The following CCDC40 variants were observed in gnomAD, a reference collection of about 807,000 sequenced individuals.
CCDC40 encodes the protein coiled-coil domain 40 molecular ruler complex subunit.
A neutral mutation model predicts 124.5 loss-of-function variants in CCDC40; 104 were observed. That is an observed-to-expected ratio of 0.84 (90% CI 0.71 to 0.98). The LOEUF (loss-of-function observed/expected upper bound fraction) is 0.98, where lower values mean the gene tolerates loss of function less well. CCDC40 is among the 50% of genes least tolerant of loss of function. CCDC40 has a pLI of 0.00. For synonymous variants in CCDC40, 580 were observed against 602.9 expected (o/e 0.96, Z 0.56); for missense variants, 1,463 against 1,503.9 (o/e 0.97, Z 0.45).
chr17:80,053,785 G>A (rs2037666774), intron 7 of CCDC40, among the ~76,000 whole-genome samples: 1 of 152,160 alleles, frequency 6.6e-6, no homozygotes, highest in African/African-American at 2.4e-5. Context: ...AGATAACGGG[G>A]TTTCACCATG....
chr17:80,048,573 C>CT lies in CCDC40; in HGVS notation c.677-9dup. On this transcript the variant is annotated splice_polypyrimidine_tract_variant and intron_variant, in intron 4 of 19. Transcript: ENST00000397545. ...CAGCTCCTCAATGGTGTCGCTGTCT[C>CT]TCCCCCCAGTGATCCCCCCAGGGGT... The CT allele has an allele frequency of 6.2e-7, 1 of 1,610,332 alleles. No homozygotes were observed.
At chr17:80,099,460 T>G in intron 19 of CCDC40, 67 bp from the exon 20 acceptor site, 4 of 1,570,014 alleles carry the variant, frequency 2.5e-6, no homozygotes, top group Non-Finnish European at 3.5e-6. Flanking sequence ...TCTGAGTTTG[T>G]GGGGGGCCAG....
chr17:80,065,108 C>A (rs1321338942), intron 9 of CCDC40, among the ~76,000 whole-genome samples: 1 of 71,458 alleles, frequency 1.4e-5, no homozygotes, highest in African/African-American at 5.6e-5. Flanking sequence ...CTCTCCCCCT[C>A]CTCCCTCTTT....
At chr17:80,059,507 A>C (rs1056163988) in intron 9 of CCDC40, among the ~76,000 whole-genome samples, 52 of 149,340 alleles carry the variant, frequency 3.5e-4, no homozygotes, top group Admixed American at 8.0e-4. Flanking sequence ...AAAAAAAAAA[A>C]CTATGAGTCA....
chr17:80,063,231 T>C (rs79404241), intron 9 of CCDC40, among the ~76,000 whole-genome samples: 5,905 of 152,110 alleles, frequency 0.039, 175 homozygotes, highest in East Asian at 0.16. Context: ...AAACAATATA[T>C]AGAATTTGAT....
At chr17:80,071,310 A>G (rs1436700098) in intron 10 of CCDC40, among the ~76,000 whole-genome samples, 2 of 152,160 alleles carry the variant, frequency 1.3e-5, no homozygotes, top group African/African-American at 4.8e-5. Flanking sequence ...CTTTACCCCA[A>G]GATGTGACTC....
chr17:80,077,456 G>A (rs2038336385), intron 10 of CCDC40, among the ~76,000 whole-genome samples: 1 of 152,202 alleles, frequency 6.6e-6, no homozygotes, highest in East Asian at 1.9e-4. Context: ...CTGGTAGGTG[G>A]AGGTTGCAGT....
At position 80,099,596 on chromosome 17, in the gene CCDC40, G is replaced by A. The variant is rs546314844; in HGVS notation, c.3250G>A (p.Val1084Met). 150 of 1,613,646 alleles carry A rather than the reference G, an allele frequency of 9.3e-5. No homozygotes were observed. Among genetic ancestry groups the A allele is most frequent in the Non-Finnish European group, 1.1e-4 (135 of 1,180,004 alleles). The stretch of plus-strand genomic sequence containing the variant: ...GCAGGCTGTGAAGGAGGGGCGCTAC[G>A]TGTTCCTGTTCCGCTCCAAGCAGTC... Reference protein sequence around the residue: ...HLQAVKEGRYVFLFRSKQSLV... With the variant: ...HLQAVKEGRYMFLFRSKQSLV... The change falls in exon 20 of 20, where the codon GTG becomes ATG. Residue 1084 changes from valine (V) to methionine (M), a missense_variant. Val to Met is a conservative substitution (Grantham distance 21). Coordinates refer to ENST00000397545, the MANE Select transcript of CCDC40 (RefSeq NM_017950.4).
intron 17 of CCDC40, among the ~76,000 whole-genome samples, chr17:80,094,067 T>G (rs927069510): frequency 2.0e-5 from 3 of 152,160 alleles, no homozygotes; most frequent in African/African-American, 7.2e-5. Context: ...GTTTTTTCTT[T>G]TAAATCAACT....
chr17:80,090,257 A>G, intron 17 of CCDC40: 4 of 823,350 alleles, frequency 4.9e-6, no homozygotes, highest in Non-Finnish European at 7.0e-6. Flanking sequence ...ACAACACGGG[A>G]CGCGCGCGGG....
chr17:80,098,634 G>A (rs903136848), intron 19 of CCDC40, among the ~76,000 whole-genome samples: 1 of 152,204 alleles, frequency 6.6e-6, no homozygotes, highest in Non-Finnish European at 1.5e-5. Context: ...CTGACACACG[G>A]CAGGTGTCAA....
intron 1 of CCDC40, among the ~76,000 whole-genome samples, chr17:80,037,688 A>T (rs12601183): frequency 0.012 from 524 of 45,520 alleles, 12 homozygotes; most frequent in East Asian, 0.036. Context: ...TTTTTTAAAA[A>T]AGATATACAT....
intron 10 of CCDC40, chr17:80,067,656 G>C (rs2038081619): frequency 6.5e-7 from 1 of 1,535,990 alleles, no homozygotes; most frequent in African/African-American, 1.4e-5. Context: ...CGGTGCTGCT[G>C]TAGATAACCG....
intron 10 of CCDC40, among the ~76,000 whole-genome samples, chr17:80,080,404 A>G (rs939383743): frequency 2.6e-5 from 4 of 152,200 alleles, no homozygotes; most frequent in Non-Finnish European, 5.9e-5. Context: ...TGATTATTTC[A>G]TTTGAATCAG....
intron 17 of CCDC40, chr17:80,090,129 T>G: frequency 6.5e-7 from 1 of 1,536,172 alleles, no homozygotes; most frequent in Middle Eastern, 1.7e-4. Flanking sequence ...CGCTTGCTTT[T>G]AATGTGCAGA....
chr17:80,096,297 G>T (rs939872497), intron 18 of CCDC40, among the ~76,000 whole-genome samples: 1 of 152,200 alleles, frequency 6.6e-6, no homozygotes. Context: ...TGTGAAATGG[G>T]TGCCCACCTC....
Position 80,099,915 on chromosome 17 carries a change from C to G in CCDC40, c.*140C>G. The G allele has an allele frequency of 1.1e-6, 1 of 906,010 alleles. No individual in the cohort carries two copies. The allele number at this position is 906,010 out of a possible 1,614,324, so 56.1% of individuals were successfully genotyped here. ...GCATCGTTTAAGAGAAATAAGCCAG[C>G]CCCACCCATAGGAATCTTTTTAGCC... On this transcript the variant is annotated 3_prime_UTR_variant, in exon 20 of 20. Coordinates refer to ENST00000397545, the MANE Select transcript of CCDC40 (RefSeq NM_017950.4).
chr17:80,069,472 G>A (rs1001106809), intron 10 of CCDC40, among the ~76,000 whole-genome samples: 1 of 152,200 alleles, frequency 6.6e-6, no homozygotes, highest in East Asian at 1.9e-4. Context: ...GGGGTCAGGC[G>A]CGGTGGCTCA....
chr17:80,084,470 A>G (rs547924346), intron 12 of CCDC40, among the ~76,000 whole-genome samples: 2 of 152,342 alleles, frequency 1.3e-5, no homozygotes, highest in Non-Finnish European at 2.9e-5. Flanking sequence ...ATTCAAGATG[A>G]GATGTGAGTG....
Sources: gnomAD v4.1 joint callset for allele counts (sites outside exome capture counted in the v4.1 genomes callset) on GRCh38, gnomAD v4.1.1 for gene constraint, MANE v1.5 for transcripts, NCBI Gene and HGNC (gene_info 2026-07-23, HGNC 2026-07-21) for gene names.